Variants in MYO1E observed in about 807,000 individuals in gnomAD.
MYO1E encodes unconventional myosin-Ie.
A neutral mutation model predicts 151.1 loss-of-function variants in MYO1E; 68 were observed. The observed-to-expected ratio is 0.45, with a 90% CI of 0.37 to 0.55. The LOEUF is 0.55. MYO1E is among the 20% of genes least tolerant of loss of function. The pLI is 0.00. For synonymous variants in MYO1E, 601 were observed against 501.7 expected, an observed-to-expected ratio of 1.20 and a Z score of -2.64; for missense variants, 1,363 against 1,389.3, an observed-to-expected ratio of 0.98 and a Z score of 0.30.
rs372880204 is a variant in MYO1E, at chr15:59,202,406, G to T, written c.1618C>A (p.Pro540Thr). The T allele has an allele frequency of 2.3e-5, 37 of 1,613,230 alleles. No homozygotes were observed. The Admixed American group carries it at 5.7e-4, about 25-fold the overall frequency. Residue 540 changes from proline (P) to threonine (T), a missense_variant and splice_region_variant, in exon 16 of 28, where the codon CCT becomes ACT. Transcript: ENST00000288235. Reference protein sequence around the residue: ...LIELMQSSELPFIKSLFPENL... With the variant: ...LIELMQSSELTFIKSLFPENL... Reference sequence around the variant, plus strand: ...TCCGGAAATAAAGACTTTATGAAAGGCCTGGAAAAGGAGAAAGAGAATGAA... The same window carrying T: ...TCCGGAAATAAAGACTTTATGAAAGTCCTGGAAAAGGAGAAAGAGAATGAA...
intron 4 of MYO1E, among the ~76,000 whole-genome samples, chr15:59,250,756 C>T (rs2080159821): frequency 6.6e-6 from 1 of 152,180 alleles, no homozygotes; most frequent in African/African-American, 2.4e-5. Flanking sequence ...TTTGGCCCAA[C>T]TCCAGGTAGC....
chr15:59,268,874 T>G (rs1486723213), intron 2 of MYO1E, among the ~76,000 whole-genome samples: 1 of 151,812 alleles, frequency 6.6e-6, no homozygotes, highest in Non-Finnish European at 1.5e-5. Context: ...CAATCGTGAT[T>G]GGGAGGAGTG....
At chr15:59,207,434 T>A in intron 14 of MYO1E, 1 of 1,614,040 alleles carries the variant, frequency 6.2e-7, no homozygotes, top group Admixed American at 1.7e-5. Context: ...AATGTGGCCA[T>A]CTTCAAGTTA....
At chr15:59,275,997 C>T (rs944328857) in intron 1 of MYO1E, among the ~76,000 whole-genome samples, 2 of 152,160 alleles carry the variant, frequency 1.3e-5, no homozygotes, top group African/African-American at 2.4e-5. Context: ...GCATTGTTAC[C>T]ACGCACTATC....
intron 2 of MYO1E, among the ~76,000 whole-genome samples, chr15:59,267,902 A>G (rs1167648916): frequency 6.6e-6 from 1 of 152,250 alleles, no homozygotes; most frequent in Non-Finnish European, 1.5e-5. Flanking sequence ...TTATTGGTAA[A>G]CGATGTCAGC....
At chr15:59,354,052 A>G (rs1178922574) in intron 1 of MYO1E, among the ~76,000 whole-genome samples, 1 of 152,190 alleles carries the variant, frequency 6.6e-6, no homozygotes, top group Non-Finnish European at 1.5e-5. Flanking sequence ...AGAAAGCCAC[A>G]CCCTTCACTA....
intron 1 of MYO1E, among the ~76,000 whole-genome samples, chr15:59,303,327 A>C (rs1405543769): frequency 6.6e-6 from 1 of 152,092 alleles, no homozygotes; most frequent in African/African-American, 2.4e-5. Flanking sequence ...AGATGGGAGA[A>C]TCACCTGAGC....
rs1218719049 is a variant in MYO1E, at chr15:59,285,420, CA to C, written c.4-12972del. 7.2e-4 allele frequency among the ~76,000 whole-genome samples: 100 copies of C among 138,436 alleles called. 3 individuals carry two copies. The highest frequency in any genetic ancestry group is 2.4e-4 in the Admixed American group (3 of 12,320). 90.8% of individuals were successfully genotyped at this position (138,436 alleles called of 152,430 possible). A position where few individuals can be genotyped will look rare whatever the true frequency, so the allele number is the denominator to read the frequency against. On this transcript the variant is annotated intron_variant, in intron 1 of 27. Coordinates refer to ENST00000288235, the MANE Select transcript of MYO1E (RefSeq NM_004998.4). ...TCGCCCAGGCTGGAGTGCAGTGGCA[CA>C]ATCTTGGCTCACTATAACCTCTGCC...
chr15:59,250,103 AC>A (rs11350234), intron 4 of MYO1E, among the ~76,000 whole-genome samples: 42,791 of 151,898 alleles, frequency 0.28, 6,883 homozygotes, highest in African/African-American at 0.45. Context: ...AAGAGAATTA[AC>A]TCAAGGGCTC....
At chr15:59,162,301 C>T (rs904359436) in intron 23 of MYO1E, among the ~76,000 whole-genome samples, 2 of 152,058 alleles carry the variant, frequency 1.3e-5, no homozygotes, top group Non-Finnish European at 2.9e-5. Flanking sequence ...ATTAGAGGGT[C>T]AACAGTATGC....
chr15:59,229,651 GTGTT>G (rs1261151606), intron 6 of MYO1E, among the ~76,000 whole-genome samples: 2 of 151,964 alleles, frequency 1.3e-5, no homozygotes, highest in Non-Finnish European at 2.9e-5. Flanking sequence ...TTTTTAAATC[GTGTT>G]TGAAGTATTT....
chr15:59,279,015 A>T (rs954930249), intron 1 of MYO1E, among the ~76,000 whole-genome samples: 1 of 152,070 alleles, frequency 6.6e-6, no homozygotes, highest in Admixed American at 6.6e-5. Context: ...ATACTCAATG[A>T]ATATGGAGTA....
At chr15:59,230,214 C>CTGT (rs575255858) in intron 6 of MYO1E, among the ~76,000 whole-genome samples, 174 of 45,970 alleles carry the variant, frequency 3.8e-3, no homozygotes, top group Non-Finnish European at 0.012. Context: ...GAGAGAGAGA[C>CTGT]AGTGTGTGTT....
At chr15:59,286,597 T>G (rs532335577) in intron 1 of MYO1E, among the ~76,000 whole-genome samples, 2 of 152,246 alleles carry the variant, frequency 1.3e-5, no homozygotes, top group Non-Finnish European at 2.9e-5. Flanking sequence ...GGTGTCTTGA[T>G]GTGGGCACAG....
In MYO1E at chr15:59,171,879, T is replaced by C; in HGVS notation, c.2480+18A>G. ...AGGCGAGAAGGGGCAGTCCTGCCTC[T>C]GCACCTCCACTACTCACCTGAGGGA... On this transcript the variant is annotated intron_variant, in intron 22 of 27. Transcript: ENST00000288235. The C allele has an allele frequency of 6.2e-7, 1 of 1,614,152 alleles. No individual in the cohort carries two copies. Among genetic ancestry groups the C allele is most frequent in the Non-Finnish European group, 8.5e-7 (1 of 1,180,002 alleles).
At chr15:59,322,298 A>T (rs1310662467) in intron 1 of MYO1E, among the ~76,000 whole-genome samples, 1 of 152,184 alleles carries the variant, frequency 6.6e-6, no homozygotes, top group African/African-American at 2.4e-5. Flanking sequence ...ACAAATCTGC[A>T]CATGTACCCC....
At position 59,329,602 on chromosome 15, in the gene MYO1E, A is replaced by T. The variant is rs76759428; in HGVS notation, c.3+42896T>A. Among the ~76,000 whole-genome samples, 1,293 of 152,310 alleles carry T rather than the reference A, an allele frequency of 8.5e-3. 15 individuals are homozygous for T. Among genetic ancestry groups the T allele is most frequent in the African/African-American group, 0.03 (1,241 of 41,564 alleles). ...ACAGGGTGGTGAGCAGCCCACCCAA[A>T]CTTTCCCACAGTCTAGTGTGCCTTC... On this transcript the variant is annotated intron_variant, in intron 1 of 27. Transcript: ENST00000288235.
At chr15:59,327,660 G>C (rs1174695970) in intron 1 of MYO1E, among the ~76,000 whole-genome samples, 1 of 152,152 alleles carries the variant, frequency 6.6e-6, no homozygotes, top group Admixed American at 6.5e-5. Flanking sequence ...CAGTGCAGGA[G>C]GGTATAGTGG....
rs151211149 is a variant in MYO1E, at chr15:59,159,214, G to A, written c.2786-835C>T. Among the ~76,000 whole-genome samples, 34 of 152,292 alleles carry A rather than the reference G, an allele frequency of 2.2e-4. No homozygotes were observed. In the East Asian group the frequency reaches 6.2e-3, roughly 28 times the overall value. On this transcript the variant is annotated intron_variant, in intron 24 of 27. Transcript: ENST00000288235. This position sits in a 1 kb window ranked among gnomAD's most constrained non-coding sequence, Gnocchi z 4.4. ...CTGGGAGAACCGACCACGTGGGATC[G>A]GGGCAAACCCAGTGTGGCCTGCTGG... is the stretch of plus-strand genomic sequence containing the variant.
Sources: allele counts gnomAD v4.1 joint callset (sites outside exome capture counted in the v4.1 genomes callset), GRCh38; gene constraint gnomAD v4.1.1; non-coding constraint Gnocchi (gnomAD v3.1); transcripts MANE v1.5; gene names NCBI Gene and HGNC (gene_info 2026-07-23, HGNC 2026-07-21).